The following AKT3 variants were observed in gnomAD, a reference collection of about 807,000 sequenced individuals.
AKT3 encodes AKT serine/threonine kinase 3.
AKT3 carries 15 observed loss-of-function variants against 65.3 expected under a neutral mutation model. The ratio of observed to expected loss-of-function variants is 0.23; its 90% CI spans 0.15 to 0.35. AKT3 has a LOEUF of 0.35. Among genes scored for constraint, AKT3 ranks in the 10% least tolerant of loss-of-function variants. AKT3 has a pLI of 1.00. For missense variants in AKT3, 243 were observed against 576.5 expected (o/e 0.42, Z 5.92); for synonymous variants, 206 against 183.8 (o/e 1.12, Z -0.98).
chr1:243,596,799 G>A (rs1447842039), intron 8 of AKT3, among the ~76,000 whole-genome samples: 1 of 152,140 alleles, frequency 6.6e-6, no homozygotes, highest in African/African-American at 2.4e-5. Flanking sequence ...CCGCATGTAC[G>A]TCACCAGTGG....
intron 8 of AKT3, among the ~76,000 whole-genome samples, chr1:243,577,355 C>T (rs1471379633): frequency 6.6e-6 from 1 of 152,124 alleles, no homozygotes; most frequent in African/African-American, 2.4e-5. Flanking sequence ...CCATGTTGGC[C>T]AGGCTGGTCT....
At chr1:243,780,216 G>T (rs998170050) in intron 2 of AKT3, among the ~76,000 whole-genome samples, 1 of 152,062 alleles carries the variant, frequency 6.6e-6, no homozygotes, top group Admixed American at 6.6e-5. Flanking sequence ...AAACACTACT[G>T]TAACCAGGTG....
chr1:243,603,496 C>T (rs1677166053), intron 8 of AKT3, among the ~76,000 whole-genome samples: 1 of 152,210 alleles, frequency 6.6e-6, no homozygotes, highest in Non-Finnish European at 1.5e-5. Context: ...AGTCTCACTG[C>T]ATCTACAGCT....
chr1:243,671,853 A>T (rs943061285), intron 3 of AKT3, among the ~76,000 whole-genome samples: 3 of 152,226 alleles, frequency 2.0e-5, no homozygotes, highest in Non-Finnish European at 4.4e-5. Context: ...GTCATTATAT[A>T]AGGATTTATT....
At chr1:243,641,241 C>T (rs1558675569) in intron 5 of AKT3, among the ~76,000 whole-genome samples, 1 of 123,732 alleles carries the variant, frequency 8.1e-6, no homozygotes, top group African/African-American at 3.0e-5. Flanking sequence ...TAATAAACTC[C>T]ATATATATGT....
chr1:243,638,599 T>C (rs965180525), intron 5 of AKT3, among the ~76,000 whole-genome samples: 19 of 152,182 alleles, frequency 1.2e-4, no homozygotes, highest in Non-Finnish European at 1.9e-4. Context: ...TTCATATTAA[T>C]AGGTTTTTGA....
chr1:243,570,901 C>G (rs1030052639), intron 9 of AKT3, among the ~76,000 whole-genome samples: 3 of 152,120 alleles, frequency 2.0e-5, no homozygotes, highest in Admixed American at 6.6e-5. Context: ...GAACTGTGCA[C>G]GTGGTAACTA....
chr1:243,618,639 T>C (rs1441175818), intron 6 of AKT3, among the ~76,000 whole-genome samples: 2 of 152,164 alleles, frequency 1.3e-5, no homozygotes, highest in Admixed American at 1.3e-4. Flanking sequence ...CATATATTTA[T>C]CCATGGTAAA....
chr1:243,776,736 G>A (rs887518177), intron 2 of AKT3, among the ~76,000 whole-genome samples: 7 of 152,110 alleles, frequency 4.6e-5, no homozygotes, highest in African/African-American at 1.7e-4. Flanking sequence ...ATAGTGATAG[G>A]GCCAGAATTT....
chr1:243,799,207 AGGGAATGGGTG>A (rs1692235234), intron 2 of AKT3, among the ~76,000 whole-genome samples: 1 of 150,806 alleles, frequency 6.6e-6, no homozygotes, highest in Non-Finnish European at 1.5e-5. Flanking sequence ...GAAAATGGGG[AGGGAATGGGTG>A]GGGAAAAATG....
chr1:243,817,546 G>C (rs1408610275), intron 2 of AKT3, among the ~76,000 whole-genome samples: 1 of 152,016 alleles, frequency 6.6e-6, no homozygotes, highest in Non-Finnish European at 1.5e-5. Flanking sequence ...TTTGTGACCA[G>C]CCTGGCCAAC....
At chr1:243,735,262 A>C (rs887735523) in intron 2 of AKT3, 1 of 152,246 alleles carries the variant, frequency 6.6e-6, no homozygotes, top group Non-Finnish European at 1.5e-5. Context: ...TTTGTACAAA[A>C]CTGGCAATGC....
intron 2 of AKT3, among the ~76,000 whole-genome samples, chr1:243,699,279 A>C (rs1267012646): frequency 6.6e-6 from 1 of 151,854 alleles, no homozygotes; most frequent in African/African-American, 2.4e-5. Flanking sequence ...CCAATTTAAA[A>C]CACAACCTGG....
Position 243,501,634 on chromosome 1 carries a change from T to C in AKT3, c.*3615A>G. On this transcript the variant is annotated 3_prime_UTR_variant, in exon 14 of 14. Transcript: ENST00000673466. ...TGTGAGCTACAAGGAATTATTTCTA[T>C]ATTTTCCTGTCACATTTTATACAAG... 4.3e-6 allele frequency: 1 copy of C among 231,046 alleles called. No homozygotes were observed. The highest frequency in any genetic ancestry group is 6.1e-5 in the East Asian group (1 of 16,346). The allele number at this position is 231,046 out of a possible 1,614,324, so 14.3% of individuals were successfully genotyped here. A position where few individuals can be genotyped will look rare whatever the true frequency, so the allele number is the denominator to read the frequency against.
At chr1:243,574,655 C>G (rs752435296) in intron 8 of AKT3, among the ~76,000 whole-genome samples, 1 of 152,068 alleles carries the variant, frequency 6.6e-6, no homozygotes, top group Non-Finnish European at 1.5e-5. Context: ...AAAATTCATT[C>G]ATTTCATATA....
At position 243,619,810 on chromosome 1, in the gene AKT3, T is replaced by C. The variant is rs1678602206; in HGVS notation, c.562-4649A>G. ...TAGTGCTGCAATAAACCTAAGGGTG[T>C]AGATGTCTCCCCGATATGATGATTT... On this transcript the variant is annotated intron_variant, in intron 6 of 13. Transcript: ENST00000673466. 2.0e-5 allele frequency among the ~76,000 whole-genome samples: 2 copies of C among 98,636 alleles called. 1 individual carries two copies. The highest frequency in any genetic ancestry group is 6.0e-4 in the South Asian group (2 of 3,354). 64.7% of individuals were successfully genotyped at this position (98,636 alleles called of 152,430 possible).
chr1:243,632,989 A>G (rs988358675), intron 6 of AKT3, among the ~76,000 whole-genome samples: 5 of 152,220 alleles, frequency 3.3e-5, no homozygotes, highest in African/African-American at 1.2e-4. Context: ...AACTTTTTCC[A>G]TATTAGCAAT....
At chr1:243,494,500 C>T (rs368030970) in intron 13 of AKT3, among the ~76,000 whole-genome samples, 40 of 152,310 alleles carry the variant, frequency 2.6e-4, no homozygotes, top group East Asian at 9.6e-4. Flanking sequence ...ATAAGCATCT[C>T]GCGACCTTCG....
intron 2 of AKT3, among the ~76,000 whole-genome samples, chr1:243,836,408 A>G (rs1694890658): frequency 6.6e-6 from 1 of 152,004 alleles, no homozygotes; most frequent in African/African-American, 2.4e-5. Flanking sequence ...AGGACTAAAG[A>G]GAGAAACAGA....
Sources: gnomAD v4.1 joint callset for allele counts (sites outside exome capture counted in the v4.1 genomes callset) on GRCh38, gnomAD v4.1.1 for gene constraint, MANE v1.5 for transcripts, NCBI Gene and HGNC (gene_info 2026-07-23, HGNC 2026-07-21) for gene names.